Variants in WDR64 observed in about 807,000 individuals in gnomAD.
WDR64 encodes WD repeat domain 64, also known as WD repeat-containing protein 64.
WDR64 carries 112 observed loss-of-function variants against 139.3 expected under a neutral mutation model. That is an observed-to-expected ratio of 0.80 (90% CI 0.69 to 0.94). WDR64 has a LOEUF of 0.94. WDR64 is among the 40% of genes least tolerant of loss of function. The probability of loss-of-function intolerance (pLI) is 0.00; values close to 1 mark genes in which losing one functional copy is unlikely to be tolerated. For missense variants in WDR64, 1,206 were observed against 1,293.1 expected (o/e 0.93, Z 1.03); for synonymous variants, 444 against 437.7 (o/e 1.01, Z -0.18).
At chr1:241,755,814 A>G (rs1466871923) in intron 14 of WDR64, among the ~76,000 whole-genome samples, 1 of 152,230 alleles carries the variant, frequency 6.6e-6, no homozygotes. Context: ...TTTATTAAAT[A>G]GGGAATCCTT....
In WDR64 at chr1:241,766,086, C is replaced by T. The variant is rs538020711; in HGVS notation, c.1948-132C>T. The T allele has an allele frequency of 2.8e-5, 23 of 812,998 alleles. No individual in the cohort carries two copies. In the South Asian group the frequency reaches 8.2e-4, roughly 29 times the overall value. 50.4% of individuals were successfully genotyped at this position (812,998 alleles called of 1,614,324 possible). On this transcript the variant is annotated intron_variant, in intron 15 of 27. Transcript: ENST00000437684. The stretch of plus-strand genomic sequence containing the variant: ...AAATAAGATTTTACTAAATTTCATG[C>T]TCTGATATTAAAAATATATATAATA...
chr1:241,763,234 TAAAAA>T (rs1036352311), intron 15 of WDR64, among the ~76,000 whole-genome samples: 2 of 148,820 alleles, frequency 1.3e-5, no homozygotes, highest in Non-Finnish European at 3.0e-5. Context: ...AATGATTGCT[TAAAAA>T]AAAAAGAAAA....
intron 21 of WDR64, among the ~76,000 whole-genome samples, chr1:241,776,521 T>C (rs2148309412): frequency 6.6e-6 from 1 of 152,326 alleles, no homozygotes; most frequent in East Asian, 1.9e-4. Context: ...TCCCTGTTTT[T>C]CCTGGAGTTT....
chr1:241,798,113 TAAAG>T (rs1659420297), intron 27 of WDR64, among the ~76,000 whole-genome samples: 2 of 152,178 alleles, frequency 1.3e-5, no homozygotes, highest in African/African-American at 4.8e-5. Flanking sequence ...TTAGAGATCA[TAAAG>T]AATGATAAAT....
intron 13 of WDR64, among the ~76,000 whole-genome samples, chr1:241,748,578 C>G (rs1182262137): frequency 6.6e-6 from 1 of 152,136 alleles, no homozygotes; most frequent in African/African-American, 2.4e-5. Flanking sequence ...ACCCCCATGA[C>G]CTAATGATCT....
intron 11 of WDR64, among the ~76,000 whole-genome samples, chr1:241,738,918 T>TC (rs1474406401): frequency 6.6e-6 from 1 of 152,160 alleles, no homozygotes. Context: ...CAAATCCAGC[T>TC]CCCACACACA....
At chr1:241,718,296 CAGA>C (rs1668476655) in intron 9 of WDR64, among the ~76,000 whole-genome samples, 1 of 152,082 alleles carries the variant, frequency 6.6e-6, no homozygotes, top group African/African-American at 2.4e-5. Flanking sequence ...AGTAAAAACA[CAGA>C]AGAAGGAGTC....
At chr1:241,755,873 G>T (rs1313936183) in intron 14 of WDR64, among the ~76,000 whole-genome samples, 5 of 152,174 alleles carry the variant, frequency 3.3e-5, no homozygotes, top group African/African-American at 1.2e-4. Context: ...GATGGTTGTA[G>T]ATGTGTGGCA....
chr1:241,735,851 C>G (rs1291760915), intron 10 of WDR64, among the ~76,000 whole-genome samples: 34 of 87,464 alleles, frequency 3.9e-4, no homozygotes, highest in African/African-American at 1.4e-3. Flanking sequence ...CTCTCTCTCT[C>G]TCTCTGTGTG....
At chr1:241,691,831 T>C (rs1253938349) in intron 8 of WDR64, among the ~76,000 whole-genome samples, 1 of 152,094 alleles carries the variant, frequency 6.6e-6, no homozygotes, top group Admixed American at 6.5e-5. Context: ...CTGGCCAACA[T>C]GGTGAAACCC....
intron 10 of WDR64, among the ~76,000 whole-genome samples, chr1:241,728,027 T>A (rs933504212): frequency 1.3e-5 from 2 of 151,422 alleles, no homozygotes; most frequent in African/African-American, 2.4e-5. Context: ...AAAGGGCAAT[T>A]TAGGCAGAAA....
intron 10 of WDR64, among the ~76,000 whole-genome samples, chr1:241,737,088 A>G (rs1319131100): frequency 2.0e-5 from 3 of 152,182 alleles, no homozygotes; most frequent in South Asian, 2.1e-4. Flanking sequence ...TATGCTCTGG[A>G]TTGAAATTCA....
chr1:241,761,995 TG>T (rs1477225424), intron 15 of WDR64, among the ~76,000 whole-genome samples: 2 of 152,260 alleles, frequency 1.3e-5, no homozygotes, highest in Admixed American at 6.5e-5. Flanking sequence ...TTCCTGTCCA[TG>T]TTGCTATTTT....
In WDR64 at chr1:241,749,730, A is replaced by G; in HGVS notation, c.1770+8A>G. 2 of 1,611,070 alleles carry G rather than the reference A, an allele frequency of 1.2e-6. No individual in the cohort carries two copies. The highest frequency in any genetic ancestry group is 4.5e-5 in the East Asian group (2 of 44,770). ...ACTATCAAAATGATCCAGGTTTACA[A>G]TCCCACTTCATACTCGTACTGCAGG... On this transcript the variant is annotated splice_region_variant and intron_variant, in intron 14 of 27. Transcript: ENST00000437684.
At chr1:241,699,517 A>G (rs1360045902) in intron 8 of WDR64, among the ~76,000 whole-genome samples, 2 of 152,218 alleles carry the variant, frequency 1.3e-5, no homozygotes, top group Admixed American at 1.3e-4. Context: ...GATAAGTGCC[A>G]TGATACAGAT....
chr1:241,727,070 A>G lies in WDR64; in HGVS notation c.1194+3634A>G, dbSNP rs1032969340. On this transcript the variant is annotated intron_variant, in intron 10 of 27. Coordinates refer to ENST00000437684, the MANE Select transcript of WDR64 (RefSeq NM_001367482.1). ...CCCAGCTCATTTTTGTATTTTTAGT[A>G]GAGACAGGGTTTCGTCATGTTGTCC... 5.9e-5 allele frequency among the ~76,000 whole-genome samples: 9 copies of G among 152,196 alleles called. No homozygotes were observed. The East Asian group carries it at 1.7e-3, about 29-fold the overall frequency.
intron 8 of WDR64, among the ~76,000 whole-genome samples, chr1:241,695,704 A>C (rs140024632): frequency 8.5e-5 from 13 of 152,312 alleles, no homozygotes; most frequent in Admixed American, 7.2e-4. Flanking sequence ...CAATAAACAT[A>C]CCAAGTCTGC....
At chr1:241,737,626 A>T (rs1448531344) in intron 10 of WDR64, among the ~76,000 whole-genome samples, 1 of 152,214 alleles carries the variant, frequency 6.6e-6, no homozygotes, top group African/African-American at 2.4e-5. Context: ...TTATTTCTGA[A>T]ATTCAATAAC....
intron 14 of WDR64, among the ~76,000 whole-genome samples, chr1:241,754,306 C>CT (rs1670092215): frequency 7.4e-6 from 1 of 135,806 alleles, no homozygotes; most frequent in Non-Finnish European, 1.5e-5. Flanking sequence ...GTTTTTTTTC[C>CT]TTTTTTTCTT....
Sources: gnomAD v4.1 joint callset for allele counts (sites outside exome capture counted in the v4.1 genomes callset) on GRCh38, gnomAD v4.1.1 for gene constraint, MANE v1.5 for transcripts, NCBI Gene and HGNC (gene_info 2026-07-23, HGNC 2026-07-21) for gene names.